The following BICC1 variants were observed in gnomAD, a reference collection of about 807,000 sequenced individuals.
BICC1 encodes protein bicaudal C homolog 1.
BICC1 carries 43 observed loss-of-function variants against 111.0 expected under a neutral mutation model. The ratio of observed to expected loss-of-function variants is 0.39; its 90% confidence interval spans 0.30 to 0.50. The LOEUF (loss-of-function observed/expected upper bound fraction) is 0.50. Among genes scored for constraint, BICC1 ranks in the 20% least tolerant of loss-of-function variants. The pLI, the probability that BICC1 is intolerant of heterozygous loss-of-function variation, is 0.88. For synonymous variants in BICC1, 467 were observed against 434.4 expected (o/e 1.07, Z -0.93); for missense variants, 1,091 against 1,203.2 (o/e 0.91, Z 1.38).
At chr10:58,562,605 ACTTTATAAATTTC>A (rs1324568350) in intron 1 of BICC1, among the ~76,000 whole-genome samples, 1 of 151,878 alleles carries the variant, frequency 6.6e-6, no homozygotes, top group African/African-American at 2.4e-5. Context: ...CTTTTCAGGC[ACTTTATAAATTTC>A]CTTTTTTGGT....
At chr10:58,708,416 G>A (rs558316435) in intron 3 of BICC1, among the ~76,000 whole-genome samples, 71 of 152,262 alleles carry the variant, frequency 4.7e-4, no homozygotes, top group East Asian at 3.3e-3. Context: ...CCTGAGGTTC[G>A]TTGTCTCATG....
chr10:58,756,835 G>A (rs556560598), intron 3 of BICC1, among the ~76,000 whole-genome samples: 5 of 152,220 alleles, frequency 3.3e-5, no homozygotes, highest in African/African-American at 9.6e-5. Context: ...AAAGAAAAGC[G>A]ATAACTTTCT....
intron 2 of BICC1, among the ~76,000 whole-genome samples, chr10:58,656,957 A>G (rs1482206672): frequency 1.3e-5 from 2 of 152,114 alleles, no homozygotes; most frequent in African/African-American, 4.8e-5. Context: ...TTGGACATCT[A>G]TTAGGAGATT....
chr10:58,656,091 A>C (rs1206983625), intron 2 of BICC1, among the ~76,000 whole-genome samples: 1 of 152,218 alleles, frequency 6.6e-6, no homozygotes, highest in African/African-American at 2.4e-5. Flanking sequence ...ATAAACTGGA[A>C]AATCTAGAAG....
At chr10:58,643,277 G>GT (rs1838176867) in intron 2 of BICC1, among the ~76,000 whole-genome samples, 1 of 152,216 alleles carries the variant, frequency 6.6e-6, no homozygotes, top group African/African-American at 2.4e-5. Flanking sequence ...TGTGACAGCT[G>GT]TATGTGTCCA....
chr10:58,672,554 G>A (rs1169508233), intron 2 of BICC1, among the ~76,000 whole-genome samples: 1 of 152,084 alleles, frequency 6.6e-6, no homozygotes, highest in Non-Finnish European at 1.5e-5. Flanking sequence ...TGATATCATT[G>A]CACTTTGTAA....
At chr10:58,655,410 GT>G (rs1838606010) in intron 2 of BICC1, among the ~76,000 whole-genome samples, 1 of 107,424 alleles carries the variant, frequency 9.3e-6, no homozygotes, top group Non-Finnish European at 1.9e-5. Flanking sequence ...TCCCTTGTAA[GT>G]TGGATTCCTA....
chr10:58,568,585 A>G (rs1843844315), intron 1 of BICC1, among the ~76,000 whole-genome samples: 1 of 152,136 alleles, frequency 6.6e-6, no homozygotes, highest in Admixed American at 6.6e-5. Flanking sequence ...AACAGAATAG[A>G]AGAGAAACTA....
chr10:58,572,148 A>G (rs902677872), intron 1 of BICC1, among the ~76,000 whole-genome samples: 3 of 152,050 alleles, frequency 2.0e-5, no homozygotes, highest in African/African-American at 7.2e-5. Flanking sequence ...GTGTCTGTTC[A>G]TGTCCTTTGC....
intron 3 of BICC1, among the ~76,000 whole-genome samples, chr10:58,711,956 C>A (rs1840589673): frequency 6.6e-6 from 1 of 152,036 alleles, no homozygotes; most frequent in Admixed American, 6.6e-5. Flanking sequence ...AAAGACACAT[C>A]TGATGAAGAA....
intron 2 of BICC1, among the ~76,000 whole-genome samples, chr10:58,656,760 C>T (rs1195074980): frequency 3.3e-5 from 5 of 152,142 alleles, no homozygotes; most frequent in Non-Finnish European, 7.3e-5. Context: ...TCCCTAAGTT[C>T]CTTGATCTGA....
chr10:58,657,945 G>T (rs1838712500), intron 2 of BICC1, among the ~76,000 whole-genome samples: 1 of 152,080 alleles, frequency 6.6e-6, no homozygotes, highest in South Asian at 2.1e-4. Context: ...TCAACCATTT[G>T]CAAAACTGGA....
intron 3 of BICC1, among the ~76,000 whole-genome samples, chr10:58,745,733 G>C (rs1033452380): frequency 2.0e-5 from 3 of 151,586 alleles, no homozygotes; most frequent in Admixed American, 2.0e-4. Context: ...TTACATTAGG[G>C]CCACAGATAA....
chr10:58,804,124 A>G lies in BICC1; in HGVS notation c.2181+882A>G, dbSNP rs138366359. Among the ~76,000 whole-genome samples the G allele has an allele frequency of 7.6e-3, 1,161 of 152,142 alleles. 17 individuals are homozygous for G. The highest frequency in any genetic ancestry group is 0.026 in the African/African-American group (1,096 of 41,498). ...ATCTGCAGTTTAGTCCTCCTTCTCT[A>G]TTTTTTTAATCCTTTGCATTGGAAC... On this transcript the variant is annotated intron_variant, in intron 15 of 20. Transcript: ENST00000373886.
chr10:58,675,294 A>G (rs1290615087), intron 2 of BICC1, among the ~76,000 whole-genome samples: 2 of 152,210 alleles, frequency 1.3e-5, no homozygotes, highest in African/African-American at 4.8e-5. Flanking sequence ...ACAGGCTGGC[A>G]TCAACAATAT....
chr10:58,733,451 C>T (rs900147108), intron 3 of BICC1, among the ~76,000 whole-genome samples: 1 of 152,240 alleles, frequency 6.6e-6, no homozygotes, highest in African/African-American at 2.4e-5. Context: ...AGAGAACACA[C>T]TTGCTTAAAA....
At chr10:58,647,437 G>A (rs4948530) in intron 2 of BICC1, among the ~76,000 whole-genome samples, 151,743 of 152,316 alleles carry the variant, frequency 1, 75,587 homozygotes, top group East Asian at 1. Flanking sequence ...TATTTCAGAA[G>A]TTTGGAAGAA....
At chr10:58,579,103 A>G (rs1218683346) in intron 1 of BICC1, among the ~76,000 whole-genome samples, 5 of 152,078 alleles carry the variant, frequency 3.3e-5, no homozygotes, top group Middle Eastern at 3.2e-3. Context: ...CATATATAAT[A>G]CCACTGGTGG....
intron 1 of BICC1, among the ~76,000 whole-genome samples, chr10:58,575,697 T>G (rs1844092359): frequency 6.6e-6 from 1 of 152,138 alleles, no homozygotes; most frequent in South Asian, 2.1e-4. Flanking sequence ...CAGCTGAGTC[T>G]GTAAGTGTGT....
Sources: allele counts gnomAD v4.1 joint callset (sites outside exome capture counted in the v4.1 genomes callset), GRCh38; gene constraint gnomAD v4.1.1; transcripts MANE v1.5; gene names NCBI Gene and HGNC (gene_info 2026-07-23, HGNC 2026-07-21).